ANO1: variants seen among roughly 807,000 people sequenced by gnomAD.
The protein encoded by ANO1 is anoctamin-1.
ANO1 carries 59 observed loss-of-function variants against 124.0 expected under a neutral mutation model. The observed-to-expected ratio is 0.48, with a 90% CI of 0.39 to 0.59. The LOEUF (loss-of-function observed/expected upper bound fraction) is 0.59. Ranked by LOEUF, ANO1 falls within the 20% of genes least tolerant of loss-of-function variation. ANO1 has a pLI of 0.00. For missense variants in ANO1, 1,059 were observed against 1,328.0 expected (o/e 0.80, Z 3.15); for synonymous variants, 529 against 532.0 (o/e 0.99, Z 0.08).
intron 1 of ANO1, chr11:70,072,765 G>A (rs1857904704): frequency 6.6e-6 from 1 of 152,410 alleles, no homozygotes; most frequent in Admixed American, 6.5e-5. Context: ...GAAGGTACAG[G>A]GATGAGTCTG....
At chr11:70,102,502 G>GC (rs1235360138) in intron 2 of ANO1, among the ~76,000 whole-genome samples, 1 of 152,218 alleles carries the variant, frequency 6.6e-6, no homozygotes, top group Non-Finnish European at 1.5e-5. Context: ...GCACCAGGCT[G>GC]CCATTCTCTT....
In ANO1 at chr11:70,165,573, G is replaced by C; in HGVS notation, c.2051+3G>C. On this transcript the variant is annotated splice_donor_region_variant and intron_variant, in intron 20 of 25. Coordinates refer to ENST00000355303, the MANE Select transcript of ANO1 (RefSeq NM_018043.7). ...AACCTGTTCGAGATCGGCATCCCGT[G>C]AGTGTGCTGCAGCGGGTTAGAGCGG... is the stretch of plus-strand genomic sequence containing the variant. 6.2e-7 allele frequency: 1 copy of C among 1,609,226 alleles called. No homozygotes were observed. Among genetic ancestry groups the C allele is most frequent in the Non-Finnish European group, 8.5e-7 (1 of 1,177,688 alleles).
At chr11:69,967,234 CGTT>C in the ANO1 span, among the ~76,000 whole-genome samples, 1 of 151,016 alleles carries the variant, frequency 6.6e-6, no homozygotes, top group East Asian at 2.0e-4. Flanking sequence ...CCGTATCACA[CGTT>C]AGCTAGCATC....
chr11:70,159,681 T>C (rs953478608), intron 16 of ANO1, among the ~76,000 whole-genome samples: 1 of 152,204 alleles, frequency 6.6e-6, no homozygotes, highest in Non-Finnish European at 1.5e-5. Context: ...GACTGCCCCA[T>C]GGCAGGGCAG....
chr11:70,006,347 G>C (rs892834684), intron 1 of ANO1, among the ~76,000 whole-genome samples: 3 of 152,054 alleles, frequency 2.0e-5, no homozygotes, highest in African/African-American at 7.2e-5. Context: ...CCTGCCTACA[G>C]CTCTTCCTTA....
rs1201209331 is a variant in ANO1, at chr11:70,105,856, C to A, written c.747+68C>A. On this transcript the variant is annotated intron_variant, in intron 5 of 25. Coordinates refer to ENST00000355303, the MANE Select transcript of ANO1 (RefSeq NM_018043.7). The stretch of plus-strand genomic sequence containing the variant: ...GCCCTGGGGATCCAGATGATAATTT[C>A]ATTTTGGTGAAACTCCTCCCGGTGG... 1.4e-5 allele frequency: 21 copies of A among 1,508,608 alleles called. No individual in the cohort carries two copies. In the South Asian group the frequency reaches 2.3e-4, roughly 16 times the overall value. 93.5% of individuals were successfully genotyped at this position (1,508,608 alleles called of 1,614,324 possible).
At chr11:69,974,884 C>T in the ANO1 span, among the ~76,000 whole-genome samples, 1 of 104,492 alleles carries the variant, frequency 9.6e-6, no homozygotes, top group Admixed American at 1.0e-4. Flanking sequence ...ATGCCTCCGT[C>T]TCTAAAAAAA....
intron 1 of ANO1, among the ~76,000 whole-genome samples, chr11:70,057,999 T>G (rs10431149): frequency 0.49 from 74,601 of 152,008 alleles, 19,529 homozygotes; most frequent in East Asian, 0.8. Context: ...AGCAGGATTG[T>G]GGTGGCATGG....
intron 1 of ANO1, among the ~76,000 whole-genome samples, chr11:70,080,920 G>A (rs762882153): frequency 4.6e-5 from 7 of 152,202 alleles, no homozygotes; most frequent in Non-Finnish European, 1.0e-4. Flanking sequence ...GGGCATCCCC[G>A]GCACCACTCA....
chr11:69,991,278 T>A (rs969209717), intron 1 of ANO1, among the ~76,000 whole-genome samples: 3 of 152,222 alleles, frequency 2.0e-5, no homozygotes, highest in Non-Finnish European at 2.9e-5. Context: ...AAGCTGACAT[T>A]TGGCACACTT....
At chr11:70,175,746 C>T (rs753412420) in intron 22 of ANO1, among the ~76,000 whole-genome samples, 10 of 152,260 alleles carry the variant, frequency 6.6e-5, no homozygotes, top group East Asian at 1.9e-4. Context: ...CAGAAAATGG[C>T]GCTTAGCATC....
At chr11:70,159,342 G>A (rs1283908644) in intron 16 of ANO1, among the ~76,000 whole-genome samples, 9 of 152,162 alleles carry the variant, frequency 5.9e-5, no homozygotes, top group African/African-American at 9.7e-5. Flanking sequence ...ACTGTTTCAC[G>A]TGGCCACCTC....
rs371255549 is a variant in ANO1, at chr11:70,078,719, G to A, written c.108+5G>A. 7 of 1,468,420 alleles carry A rather than the reference G, an allele frequency of 4.8e-6. No homozygotes were observed. The African/African-American group carries it at 5.9e-5, about 12-fold the overall frequency. 91.0% of individuals were successfully genotyped at this position (1,468,420 alleles called of 1,614,324 possible). A position where few individuals can be genotyped will look rare whatever the true frequency, so the allele number is the denominator to read the frequency against. Reference sequence around the variant, plus strand: ...TACCTGCCGTCCGAGGGCACGGTGAGTGCGGGCGGCCGCGACCCGGGCGGG... The same window carrying A: ...TACCTGCCGTCCGAGGGCACGGTGAATGCGGGCGGCCGCGACCCGGGCGGG... On this transcript the variant is annotated splice_donor_5th_base_variant and intron_variant, in intron 1 of 25. Transcript: ENST00000355303.
chr11:70,163,517 T>C, intron 19 of ANO1, 177 bp downstream of exon 19: 1 of 740,024 alleles, frequency 1.4e-6, no homozygotes, highest in Non-Finnish European at 2.4e-6. Flanking sequence ...GCTTTAATCT[T>C]ATCTGGTGTG....
rs1337220171 is a variant in ANO1 at position 70,163,295 on chromosome 11, C to G, written c.1905C>G (p.Arg635=). ...VAFFKGRFVG[R]PGDYVYIFRS... is the part of the protein sequence containing the mutation. ...CCCATCGTTTCAGGTTTGTTGGACGCCCGGGCGACTACGTGTACATTTTCC... is the reference window on the plus strand; with the variant it reads ...CCCATCGTTTCAGGTTTGTTGGACGGCCGGGCGACTACGTGTACATTTTCC... The change falls in exon 19 of 26, where the codon CGC becomes CGG. Residue 635 remains arginine (R), a synonymous_variant. Coordinates refer to ENST00000355303, the MANE Select transcript of ANO1 (RefSeq NM_018043.7). 1.9e-6 allele frequency: 3 copies of G among 1,613,568 alleles called. No homozygotes were observed. In the African/African-American group the frequency reaches 4.0e-5, roughly 22 times the overall value.
At chr11:70,052,900 C>G (rs782756907) in intron 1 of ANO1, among the ~76,000 whole-genome samples, 1 of 152,136 alleles carries the variant, frequency 6.6e-6, no homozygotes, top group Non-Finnish European at 1.5e-5. Flanking sequence ...AATCCATGAA[C>G]ATGGACCATC....
At chr11:70,072,795 T>G (rs1157711597) in intron 1 of ANO1, 1 of 152,288 alleles carries the variant, frequency 6.6e-6, no homozygotes, top group African/African-American at 2.4e-5. Context: ...GCGGCTCTCA[T>G]GGGGTTCTTG....
chr11:70,154,815 C>G (rs556250921), intron 14 of ANO1, among the ~76,000 whole-genome samples: 1 of 152,204 alleles, frequency 6.6e-6, no homozygotes, highest in Admixed American at 6.5e-5. Flanking sequence ...CAGGACTCAA[C>G]AGAATACAAC....
intron 1 of ANO1, among the ~76,000 whole-genome samples, chr11:70,057,249 C>G (rs61886436): frequency 6.6e-6 from 1 of 152,124 alleles, no homozygotes. Flanking sequence ...TCTCTTCTTC[C>G]GAGAGGATTC....
Sources: allele counts gnomAD v4.1 joint callset (sites outside exome capture counted in the v4.1 genomes callset), GRCh38; gene constraint gnomAD v4.1.1; transcripts MANE v1.5; gene names NCBI Gene and HGNC (gene_info 2026-07-23, HGNC 2026-07-21).